Variants in RBFOX1 observed in about 807,000 individuals in gnomAD.
The protein encoded by RBFOX1 is RNA binding fox-1 homolog 1.
RBFOX1 carries 8 observed loss-of-function variants against 57.7 expected under a neutral mutation model. The ratio of observed to expected loss-of-function variants is 0.14; its 90% CI spans 0.08 to 0.25. RBFOX1 has a LOEUF of 0.25. Ranked by LOEUF, RBFOX1 falls within the 10% of genes least tolerant of loss-of-function variation. The pLI is 1.00. For missense variants in RBFOX1, 611 were observed against 548.5 expected, an observed-to-expected ratio of 1.11 and a Z score of -1.14; for synonymous variants, 326 against 222.4, an observed-to-expected ratio of 1.47 and a Z score of -4.15.
intron 3 of RBFOX1, among the ~76,000 whole-genome samples, chr16:6,678,684 G>A (rs1486038897): frequency 6.6e-6 from 1 of 151,860 alleles, no homozygotes; most frequent in Non-Finnish European, 1.5e-5. Context: ...CAGAACAAAT[G>A]TAGGGAATCC....
chr16:6,353,773 A>C (rs937798400), intron 2 of RBFOX1, among the ~76,000 whole-genome samples: 1 of 152,106 alleles, frequency 6.6e-6, no homozygotes. Flanking sequence ...AGTTTAATCC[A>C]CGTTGAGGAA....
Position 7,564,672 on chromosome 16 carries a change from T to A in RBFOX1, c.271-15105T>A, listed in dbSNP as rs527483343. 1.1e-4 allele frequency among the ~76,000 whole-genome samples: 17 copies of A among 152,088 alleles called. 1 individual carries two copies. In the East Asian group the frequency reaches 3.1e-3, roughly 28 times the overall value. ...TCCAGAACTGTAAGAAATAAATGTC[T>A]GTTGTTTAAACCACCCAGCCTGTGG... is the stretch of plus-strand genomic sequence containing the variant. On this transcript the variant is annotated intron_variant, in intron 5 of 15. Coordinates refer to ENST00000550418, the MANE Select transcript of RBFOX1 (RefSeq NM_018723.4).
intron 1 of RBFOX1, among the ~76,000 whole-genome samples, chr16:5,457,958 T>G (rs2068680372): frequency 6.6e-6 from 1 of 152,116 alleles, no homozygotes; most frequent in Non-Finnish European, 1.5e-5. Context: ...ACTCACAAGA[T>G]GAGAACTCTG....
chr16:7,411,980 C>A (rs915351286), intron 4 of RBFOX1, among the ~76,000 whole-genome samples: 1 of 151,594 alleles, frequency 6.6e-6, no homozygotes, highest in African/African-American at 2.4e-5. Context: ...GAGTCACGGC[C>A]GCCCAGATGC....
At chr16:7,581,980 G>T (rs1451088789) in intron 6 of RBFOX1, among the ~76,000 whole-genome samples, 1 of 151,628 alleles carries the variant, frequency 6.6e-6, no homozygotes, top group African/African-American at 2.4e-5. Context: ...GCCTCCCAAT[G>T]TGCTGGGATT....
chr16:6,130,856 G>C (rs1399280478), intron 1 of RBFOX1, among the ~76,000 whole-genome samples: 1 of 152,074 alleles, frequency 6.6e-6, no homozygotes, highest in Non-Finnish European at 1.5e-5. Context: ...CTAATAAACA[G>C]CTTCAAAATA....
At chr16:6,717,712 G>A (rs528697412) in intron 3 of RBFOX1, among the ~76,000 whole-genome samples, 1 of 151,984 alleles carries the variant, frequency 6.6e-6, no homozygotes, top group Non-Finnish European at 1.5e-5. Context: ...CAGTCACATT[G>A]TTTGGTTATT....
intron 4 of RBFOX1, among the ~76,000 whole-genome samples, chr16:7,131,050 A>T (rs1204796638): frequency 6.6e-6 from 1 of 152,178 alleles, no homozygotes; most frequent in Admixed American, 6.5e-5. Context: ...TAATCATAAG[A>T]ATCATAGCTT....
intron 2 of RBFOX1, among the ~76,000 whole-genome samples, chr16:6,597,518 A>T (rs1030618501): frequency 1.3e-5 from 2 of 152,016 alleles, no homozygotes; most frequent in Non-Finnish European, 2.9e-5. Context: ...CTAAAAATAT[A>T]AAAAATTAGC....
intron 1 of RBFOX1, among the ~76,000 whole-genome samples, chr16:5,426,000 G>A (rs1567492679): frequency 6.6e-6 from 1 of 152,124 alleles, no homozygotes; most frequent in Non-Finnish European, 1.5e-5. Flanking sequence ...CAGGAAGTCT[G>A]GAGTGGAAGT....
chr16:5,885,335 A>C (rs1184293128), intron 4 of RBFOX1, among the ~76,000 whole-genome samples: 2 of 151,994 alleles, frequency 1.3e-5, no homozygotes, highest in African/African-American at 2.4e-5. Context: ...AAAAAAAAAA[A>C]AACTCCAAAT....
intron 4 of RBFOX1, among the ~76,000 whole-genome samples, chr16:7,357,892 C>T (rs2097249156): frequency 6.6e-6 from 1 of 152,138 alleles, no homozygotes; most frequent in Non-Finnish European, 1.5e-5. Context: ...TTTGGTTCCT[C>T]TTTAATTTTT....
chr16:7,013,947 G>A (rs1373980793), intron 3 of RBFOX1, among the ~76,000 whole-genome samples: 2 of 152,002 alleles, frequency 1.3e-5, no homozygotes, highest in African/African-American at 2.4e-5. Flanking sequence ...TTTGAGCCAC[G>A]GCGCTTGGCT....
At position 5,560,815 on chromosome 16, in the gene RBFOX1, C is replaced by T. The variant is rs988366311; in HGVS notation, c.259-38087C>T. On this transcript the variant is annotated intron_variant, in intron 2 of 2. Transcript: ENST00000585867. ...ACATATACTTTGCAGTCCTTTTATCCTCCTTGTGGCATTTCACACTGTCCA... is the reference window on the plus strand; with the variant it reads ...ACATATACTTTGCAGTCCTTTTATCTTCCTTGTGGCATTTCACACTGTCCA... 4.6e-5 allele frequency among the ~76,000 whole-genome samples: 7 copies of T among 152,200 alleles called. No homozygotes were observed. The South Asian group carries it at 1.5e-3, about 32-fold the overall frequency.
intron 2 of RBFOX1, among the ~76,000 whole-genome samples, chr16:6,472,651 T>C (rs1280167153): frequency 6.6e-6 from 1 of 151,668 alleles, no homozygotes; most frequent in African/African-American, 2.4e-5. Context: ...TTCAATGGAA[T>C]CTCACTTTGT....
At chr16:7,355,258 G>A (rs1339281955) in intron 4 of RBFOX1, among the ~76,000 whole-genome samples, 1 of 152,148 alleles carries the variant, frequency 6.6e-6, no homozygotes. Flanking sequence ...CCCATCCCAG[G>A]CCTCAGCCAG....
intron 3 of RBFOX1, among the ~76,000 whole-genome samples, chr16:6,890,519 A>T (rs1250069640): frequency 6.6e-6 from 1 of 151,604 alleles, no homozygotes; most frequent in Non-Finnish European, 1.5e-5. Flanking sequence ...ACTCCATCTC[A>T]AAACAAACAA....
At chr16:5,994,853 A>C (rs1183908471) in intron 4 of RBFOX1, among the ~76,000 whole-genome samples, 1 of 152,170 alleles carries the variant, frequency 6.6e-6, no homozygotes. Context: ...CCCAATGAGA[A>C]ATGCATACAT....
Position 6,350,492 on chromosome 16 carries a change from A to C in RBFOX1, c.-64+33435A>C, listed in dbSNP as rs911285722. Among the ~76,000 whole-genome samples the C allele has an allele frequency of 3.1e-4, 37 of 118,704 alleles. 2 individuals carry two copies. Among genetic ancestry groups the C allele is most frequent in the East Asian group, 9.9e-4 (4 of 4,042 alleles). The allele number at this position is 118,704 out of a possible 152,430, so 77.9% of individuals were successfully genotyped here. A position where few individuals can be genotyped will look rare whatever the true frequency, so the allele number is the denominator to read the frequency against. The stretch of plus-strand genomic sequence containing the variant: ...AAAAAAAAAAAAAAAAAAAAAAAAA[A>C]AAAAAAACAGTGTTCTCTAGAATAT... On this transcript the variant is annotated intron_variant, in intron 2 of 15. Transcript: ENST00000550418.
Sources: allele counts gnomAD v4.1 joint callset (sites outside exome capture counted in the v4.1 genomes callset), GRCh38; gene constraint gnomAD v4.1.1; transcripts MANE v1.5; gene names NCBI Gene and HGNC (gene_info 2026-07-23, HGNC 2026-07-21).